KATNBL1: variants seen among roughly 807,000 people sequenced by gnomAD.
KATNBL1 encodes the protein katanin regulatory subunit B1 like 1.
In KATNBL1, 28 loss-of-function variants were observed where a neutral mutation model predicts 44.7. The ratio of observed to expected loss-of-function variants is 0.63; its 90% CI spans 0.46 to 0.86. The LOEUF (loss-of-function observed/expected upper bound fraction) is 0.86, where lower values mean the gene tolerates loss of function less well. Ranked by LOEUF, KATNBL1 falls within the 40% of genes least tolerant of loss-of-function variation. The pLI, the probability that KATNBL1 is intolerant of heterozygous loss-of-function variation, is 0.00. For synonymous variants in KATNBL1, 78 were observed against 114.9 expected (o/e 0.68, Z 2.06); for missense variants, 272 against 350.7 (o/e 0.78, Z 1.79).
chr15:34,193,719 G>A (rs948615703), intron 1 of KATNBL1, among the ~76,000 whole-genome samples: 3 of 150,844 alleles, frequency 2.0e-5, no homozygotes, highest in Admixed American at 6.6e-5. Flanking sequence ...GGGCATAGTG[G>A]TGCACACCAG....
At chr15:34,156,416 A>G (rs1280557176) in intron 2 of KATNBL1, among the ~76,000 whole-genome samples, 2 of 152,226 alleles carry the variant, frequency 1.3e-5, no homozygotes, top group Non-Finnish European at 2.9e-5. Flanking sequence ...GAAAGGGGAC[A>G]ATCTGGCCCT....
At chr15:34,189,126 G>A (rs73380141) in intron 1 of KATNBL1, among the ~76,000 whole-genome samples, 30,743 of 152,060 alleles carry the variant, frequency 0.2, 3,845 homozygotes, top group African/African-American at 0.35. Flanking sequence ...TGCCTCCCGG[G>A]TTCAAGTGAT....
At chr15:34,193,228 A>AC (rs1275375222) in intron 1 of KATNBL1, among the ~76,000 whole-genome samples, 38 of 121,432 alleles carry the variant, frequency 3.1e-4, no homozygotes, top group Admixed American at 8.2e-4. Context: ...AAAAAAAAAA[A>AC]AAAAAAACAA....
intron 1 of KATNBL1, among the ~76,000 whole-genome samples, chr15:34,171,732 T>C (rs930853548): frequency 5.9e-5 from 9 of 152,270 alleles, no homozygotes; most frequent in Non-Finnish European, 8.8e-5. Flanking sequence ...GTGGCACATA[T>C]ATATCATGGA....
intron 1 of KATNBL1, among the ~76,000 whole-genome samples, chr15:34,168,212 C>T (rs900069494): frequency 2.2e-4 from 34 of 152,072 alleles, no homozygotes; most frequent in African/African-American, 6.0e-4. Context: ...TGCAAAGATA[C>T]ACACAGGTTC....
chr15:34,189,373 T>C (rs1889811559), intron 1 of KATNBL1, among the ~76,000 whole-genome samples: 1 of 152,200 alleles, frequency 6.6e-6, no homozygotes, highest in Non-Finnish European at 1.5e-5. Context: ...CCAAAGAAAG[T>C]TAAACACCAC....
At chr15:34,177,129 G>C (rs965651133) in intron 1 of KATNBL1, among the ~76,000 whole-genome samples, 2 of 152,146 alleles carry the variant, frequency 1.3e-5, no homozygotes, top group African/African-American at 2.4e-5. Context: ...TACACTAACT[G>C]TATATAACTA....
intron 1 of KATNBL1, chr15:34,209,137 A>G (rs1450703246): frequency 6.6e-6 from 1 of 152,240 alleles, no homozygotes; most frequent in Non-Finnish European, 1.5e-5. Flanking sequence ...TCAATGGATG[A>G]CGTTTCAATT....
rs1888178235 is a variant in KATNBL1, at chr15:34,142,472, T to C, written c.883-101A>G. On this transcript the variant is annotated intron_variant, in intron 9 of 9. Coordinates refer to ENST00000256544, the MANE Select transcript of KATNBL1 (RefSeq NM_024713.3). ...GTTGCTTAATTTGCCTTAGTTTCCT[T>C]TTGTGACCTTTTGAGGGTAAAAGAC... 9.2e-6 allele frequency: 12 copies of C among 1,308,934 alleles called. No individual in the cohort carries two copies. In the South Asian group the frequency reaches 1.9e-4, roughly 20 times the overall value. The allele number at this position is 1,308,934 out of a possible 1,614,324, so 81.1% of individuals were successfully genotyped here. A position where few individuals can be genotyped will look rare whatever the true frequency, so the allele number is the denominator to read the frequency against.
chr15:34,207,951 G>C (rs140804044), intron 1 of KATNBL1, among the ~76,000 whole-genome samples: 2 of 151,956 alleles, frequency 1.3e-5, no homozygotes, highest in African/African-American at 4.8e-5. Flanking sequence ...TTAGTTTTTC[G>C]CAGAAGCTTT....
chr15:34,194,468 T>A (rs909978118), intron 1 of KATNBL1, among the ~76,000 whole-genome samples: 1 of 151,996 alleles, frequency 6.6e-6, no homozygotes, highest in Non-Finnish European at 1.5e-5. Context: ...AAAAAAACTT[T>A]AAAAATTACA....
intron 1 of KATNBL1, among the ~76,000 whole-genome samples, chr15:34,178,151 C>CTA (rs1889392345): frequency 6.6e-6 from 1 of 152,176 alleles, no homozygotes; most frequent in African/African-American, 2.4e-5. Flanking sequence ...AACCACATTT[C>CTA]TATTTTCGTT....
At chr15:34,151,292 G>C (rs1888461762) in intron 4 of KATNBL1, among the ~76,000 whole-genome samples, 1 of 152,084 alleles carries the variant, frequency 6.6e-6, no homozygotes, top group African/African-American at 2.4e-5. Flanking sequence ...ACTGGTATGA[G>C]ATGATATCCT....
At chr15:34,194,259 C>T (rs1889972318) in intron 1 of KATNBL1, among the ~76,000 whole-genome samples, 1 of 152,016 alleles carries the variant, frequency 6.6e-6, no homozygotes, top group Non-Finnish European at 1.5e-5. Flanking sequence ...GTTTTATATG[C>T]TGCATTTTGT....
intron 1 of KATNBL1, among the ~76,000 whole-genome samples, chr15:34,182,838 C>T (rs1336038313): frequency 6.6e-6 from 1 of 152,054 alleles, no homozygotes; most frequent in South Asian, 2.1e-4. Context: ...TTGCCAGAGA[C>T]AGGGAAGGAA....
At chr15:34,145,214 C>T (rs753299082) in intron 9 of KATNBL1, 184 bp downstream of exon 9, 2 of 1,384,038 alleles carry the variant, frequency 1.4e-6, no homozygotes, top group South Asian at 1.2e-5. Context: ...TGGCCAATTC[C>T]TGTGCTTGCT....
chr15:34,148,130 C>T (rs957075283), intron 5 of KATNBL1, among the ~76,000 whole-genome samples: 1 of 152,120 alleles, frequency 6.6e-6, no homozygotes, highest in Admixed American at 6.5e-5. Flanking sequence ...GGATTATAGG[C>T]AAGAACTGCC....
chr15:34,181,597 T>TATATATGTCCATATATATACAC (rs1889532763), intron 1 of KATNBL1, among the ~76,000 whole-genome samples: 1 of 45,202 alleles, frequency 2.2e-5, no homozygotes, highest in African/African-American at 4.8e-5. Context: ...TATATACACA[T>TATATATGTCCATATATATACAC]ATATATGTCC....
intron 1 of KATNBL1, among the ~76,000 whole-genome samples, chr15:34,192,416 A>C (rs1054514817): frequency 6.7e-6 from 1 of 149,446 alleles, no homozygotes; most frequent in East Asian, 2.0e-4. Flanking sequence ...AAAAAAAAAA[A>C]AAACAAAAAC....
Sources: allele counts gnomAD v4.1 joint callset (sites outside exome capture counted in the v4.1 genomes callset), GRCh38; gene constraint gnomAD v4.1.1; transcripts MANE v1.5; gene names NCBI Gene and HGNC (gene_info 2026-07-23, HGNC 2026-07-21).